Variants in SLC9B1 observed in about 807,000 individuals in gnomAD.
SLC9B1 encodes sodium/hydrogen exchanger 9B1.
SLC9B1 carries 32 observed loss-of-function variants against 51.7 expected under a neutral mutation model. The ratio of observed to expected loss-of-function variants is 0.62; its 90% CI spans 0.47 to 0.83. The LOEUF is 0.83. SLC9B1 is among the 40% of genes least tolerant of loss of function. The pLI, the probability that SLC9B1 is intolerant of heterozygous loss-of-function variation, is 0.00. For missense variants in SLC9B1, 406 were observed against 613.2 expected, an observed-to-expected ratio of 0.66 and a Z score of 3.57; for synonymous variants, 145 against 212.7, an observed-to-expected ratio of 0.68 and a Z score of 2.77.
intron 3 of SLC9B1, among the ~76,000 whole-genome samples, chr4:102,974,105 C>T (rs1227519911): frequency 6.6e-6 from 1 of 151,738 alleles, no homozygotes; most frequent in African/African-American, 2.4e-5. Context: ...GGTGTGGTGG[C>T]AGGTGCCTAT....
intron 7 of SLC9B1, among the ~76,000 whole-genome samples, chr4:102,925,679 T>A (rs1736125881): frequency 1.5e-5 from 2 of 132,120 alleles, no homozygotes; most frequent in African/African-American, 3.0e-5. Flanking sequence ...TCAAAAAAAT[T>A]AAACACTTCT....
At chr4:102,974,540 G>A (rs1053995991) in intron 3 of SLC9B1, among the ~76,000 whole-genome samples, 11 of 152,082 alleles carry the variant, frequency 7.2e-5, no homozygotes, top group African/African-American at 2.7e-4. Flanking sequence ...TATGACAACA[G>A]TCTAAAAACA....
At chr4:102,968,919 C>A (rs1239983840) in intron 3 of SLC9B1, among the ~76,000 whole-genome samples, 1 of 152,170 alleles carries the variant, frequency 6.6e-6, no homozygotes, top group Admixed American at 6.5e-5. Context: ...GCCCACAGAG[C>A]CTTGCTTACT....
chr4:102,902,081 G>A (rs543841756), intron 11 of SLC9B1, among the ~76,000 whole-genome samples: 9 of 152,056 alleles, frequency 5.9e-5, no homozygotes, highest in South Asian at 2.1e-4. Flanking sequence ...TGAAGTTTTC[G>A]TTTTAGAATG....
chr4:103,003,450 CCAT>C (rs1265905926), intron 1 of SLC9B1, among the ~76,000 whole-genome samples: 1 of 152,162 alleles, frequency 6.6e-6, no homozygotes, highest in African/African-American at 2.4e-5. Flanking sequence ...TACCTGTGAT[CCAT>C]CATCCTCAAA....
chr4:102,945,231 G>A lies in SLC9B1; in HGVS notation c.615C>T (p.Phe205=). 1 of 1,608,474 alleles carries A rather than the reference G, an allele frequency of 6.2e-7. No individual in the cohort carries two copies. Among genetic ancestry groups the A allele is most frequent in the South Asian group, 1.1e-5 (1 of 90,284 alleles). ...CCCATTGCCAGGGAAATTTCATAAT[G>A]AAGTGTGAAAAAACAGCAGCTGCAC... ...EASAAAVFSH[F]IMKFPWQWAF... The change falls in exon 6 of 12, where the codon TTC becomes TTT. Residue 205 remains phenylalanine (F), a synonymous_variant. Coordinates refer to ENST00000296422, the MANE Select transcript of SLC9B1 (RefSeq NM_139173.4).
chr4:103,006,890 A>G (rs10006474), intron 1 of SLC9B1, among the ~76,000 whole-genome samples: 56,792 of 152,084 alleles, frequency 0.37, 10,719 homozygotes, highest in African/African-American at 0.44. Flanking sequence ...AAACCATATA[A>G]TAATCTCGAT....
chr4:102,905,236 T>TA lies in SLC9B1; in HGVS notation c.1332+277_1332+278insT, dbSNP rs57674183. On this transcript the variant is annotated intron_variant, in intron 11 of 11. Transcript: ENST00000296422. ...TTATTTATTTATTTATTTATTTATT[T>TA]TTTTGAGATGGAGTCACTCTGTCGC... Among the ~76,000 whole-genome samples the TA allele has an allele frequency of 1.6e-3, 240 of 151,816 alleles. 1 individual carries two copies. Among genetic ancestry groups the TA allele is most frequent in the African/African-American group, 5.1e-3 (211 of 41,454 alleles).
At chr4:103,018,974 C>T (rs1224317236) in intron 1 of SLC9B1, among the ~76,000 whole-genome samples, 1 of 152,164 alleles carries the variant, frequency 6.6e-6, no homozygotes, top group Non-Finnish European at 1.5e-5. Context: ...TAAATTGCGC[C>T]TTCTCAAGAG....
intron 1 of SLC9B1, among the ~76,000 whole-genome samples, chr4:102,994,398 G>T (rs2110522227): frequency 6.6e-6 from 1 of 150,600 alleles, no homozygotes; most frequent in South Asian, 2.1e-4. Flanking sequence ...AACCACCTCA[G>T]CCTACACTTC....
intron 3 of SLC9B1, among the ~76,000 whole-genome samples, chr4:102,976,375 T>C (rs1028254037): frequency 6.6e-6 from 1 of 152,244 alleles, no homozygotes; most frequent in Non-Finnish European, 1.5e-5. Context: ...AATTCAAAGA[T>C]ATTATCATTT....
chr4:102,920,964 G>A (rs1438306468), intron 7 of SLC9B1, among the ~76,000 whole-genome samples: 2 of 152,184 alleles, frequency 1.3e-5, no homozygotes, highest in Non-Finnish European at 1.5e-5. Flanking sequence ...TGAGGAGAAT[G>A]GAACCAAGTT....
intron 6 of SLC9B1, among the ~76,000 whole-genome samples, chr4:102,935,915 C>A (rs531692339): frequency 1.3e-5 from 2 of 152,182 alleles, no homozygotes; most frequent in East Asian, 1.9e-4. Context: ...CGGCACTGCA[C>A]CCCTGCCAAC....
In SLC9B1 at chr4:102,968,780, C is replaced by T. The variant is rs539852598; in HGVS notation, c.212-19353G>A. 2.0e-5 allele frequency among the ~76,000 whole-genome samples: 3 copies of T among 152,328 alleles called. No homozygotes were observed. In the South Asian group the frequency reaches 6.2e-4, roughly 32 times the overall value. On this transcript the variant is annotated intron_variant, in intron 3 of 11. Coordinates refer to ENST00000296422, the MANE Select transcript of SLC9B1 (RefSeq NM_139173.4). ...GGTCGGGGGATTTCCCTTTCTTAGCCAAGGGAAGCCGTGACAGACGGTACC... is the reference window on the plus strand; with the variant it reads ...GGTCGGGGGATTTCCCTTTCTTAGCTAAGGGAAGCCGTGACAGACGGTACC...
chr4:102,928,468 T>G (rs184353117), intron 7 of SLC9B1, among the ~76,000 whole-genome samples: 1 of 152,316 alleles, frequency 6.6e-6, no homozygotes, highest in East Asian at 1.9e-4. Context: ...AACAAGTCTC[T>G]AGGCAGTTCC....
At chr4:102,908,893 G>C (rs1441036687) in intron 9 of SLC9B1, among the ~76,000 whole-genome samples, 1 of 152,246 alleles carries the variant, frequency 6.6e-6, no homozygotes, top group East Asian at 1.9e-4. Flanking sequence ...AATGGTCAAA[G>C]AAGATCATAG....
chr4:102,954,838 T>C (rs1459411254), intron 3 of SLC9B1, among the ~76,000 whole-genome samples: 7 of 151,996 alleles, frequency 4.6e-5, no homozygotes, highest in Non-Finnish European at 1.0e-4. Context: ...CTAATGAAAA[T>C]TGTTAATCAG....
In SLC9B1 at chr4:103,011,391, G is replaced by T. The variant is rs114805496; in HGVS notation, c.-2+8208C>A. 5.1e-3 allele frequency among the ~76,000 whole-genome samples: 781 copies of T among 152,246 alleles called. 7 individuals are homozygous for T. The highest frequency in any genetic ancestry group is 9.0e-3 in the Non-Finnish European group (610 of 68,004). ...GCAGACCATGCACCAGTTCTCACAT[G>T]TTGGCATCACATGCCTGTCGCTCTC... On this transcript the variant is annotated intron_variant, in intron 1 of 11. Transcript: ENST00000296422.
chr4:102,965,852 C>T (rs1738397362), intron 3 of SLC9B1, among the ~76,000 whole-genome samples: 1 of 151,992 alleles, frequency 6.6e-6, no homozygotes, highest in South Asian at 2.1e-4. Context: ...GCAGACAGTC[C>T]CATTCCAAAA....
Sources: gnomAD v4.1 joint callset for allele counts (sites outside exome capture counted in the v4.1 genomes callset) on GRCh38, gnomAD v4.1.1 for gene constraint, MANE v1.5 for transcripts, NCBI Gene and HGNC (gene_info 2026-07-23, HGNC 2026-07-21) for gene names.